The following TANC2 variants were observed in gnomAD, a reference collection of about 807,000 sequenced individuals.
TANC2 encodes the protein protein TANC2.
TANC2 carries 26 observed loss-of-function variants against 210.5 expected under a neutral mutation model. That is an observed-to-expected ratio of 0.12 (90% CI 0.09 to 0.17). The LOEUF (loss-of-function observed/expected upper bound fraction) is 0.17, where lower values mean the gene tolerates loss of function less well. TANC2 is among the 10% of genes least tolerant of loss of function. The pLI is 1.00. For missense variants in TANC2, 2,129 were observed against 2,608.9 expected, an observed-to-expected ratio of 0.82 and a Z score of 4.01; for synonymous variants, 931 against 967.1, an observed-to-expected ratio of 0.96 and a Z score of 0.69.
chr17:63,103,894 A>C (rs1289009322), intron 4 of TANC2, among the ~76,000 whole-genome samples: 2 of 152,244 alleles, frequency 1.3e-5, no homozygotes, highest in African/African-American at 4.8e-5. Flanking sequence ...AGATGAGCAA[A>C]TTAAGTTCAT....
intron 2 of TANC2, among the ~76,000 whole-genome samples, chr17:63,025,857 T>TAAAATA (rs1555757323): frequency 6.7e-6 from 1 of 148,858 alleles, no homozygotes; most frequent in Non-Finnish European, 1.5e-5. Context: ...TAAAATAAAA[T>TAAAATA]AAAAAATAAA....
chr17:63,198,871 A>G (rs1293065563), intron 6 of TANC2, among the ~76,000 whole-genome samples: 1 of 152,174 alleles, frequency 6.6e-6, no homozygotes, highest in Admixed American at 6.5e-5. Context: ...TCTTCTCTGG[A>G]GAGATAACAT....
At chr17:63,025,405 G>A (rs2034508389) in intron 2 of TANC2, among the ~76,000 whole-genome samples, 1 of 152,126 alleles carries the variant, frequency 6.6e-6, no homozygotes, top group African/African-American at 2.4e-5. Flanking sequence ...TTGGAGATGG[G>A]TAAGTAGGGA....
Position 63,164,671 on chromosome 17 carries a change from G to C in TANC2, c.433+13291G>C, listed in dbSNP as rs548149872. Among the ~76,000 whole-genome samples the C allele has an allele frequency of 1.2e-4, 19 of 152,240 alleles. No homozygotes were observed. In the South Asian group the frequency reaches 2.1e-3, roughly 17 times the overall value. ...TATAGTAATCCAGTCCAAAACCAAA[G>C]GCTTGAGAACCATGGTGTAAGTCTC... On this transcript the variant is annotated intron_variant, in intron 5 of 27. Transcript: ENST00000689528.
chr17:63,306,104 G>A (rs2044895275), intron 9 of TANC2, among the ~76,000 whole-genome samples: 1 of 152,228 alleles, frequency 6.6e-6, no homozygotes, highest in Non-Finnish European at 1.5e-5. Flanking sequence ...CCAAAACGGA[G>A]TGACTGAGGC....
chr17:63,257,235 C>G lies in TANC2; in HGVS notation c.1034-10513C>G, dbSNP rs544833827. 1.0e-3 allele frequency among the ~76,000 whole-genome samples: 154 copies of G among 151,908 alleles called. 2 individuals are homozygous for G. Among genetic ancestry groups the G allele is most frequent in the Non-Finnish European group, 1.8e-3 (120 of 67,958 alleles). ...GTGTTCTTCTTTATTTCCTTCCTGC[C>G]CTCCTTGTTGTGAACGTGATTTTTT... is the stretch of plus-strand genomic sequence containing the variant. On this transcript the variant is annotated intron_variant, in intron 8 of 27. Coordinates refer to ENST00000689528, the Ensembl canonical transcript of TANC2.
intron 9 of TANC2, among the ~76,000 whole-genome samples, chr17:63,290,056 G>T (rs1425735741): frequency 6.6e-6 from 1 of 152,156 alleles, no homozygotes; most frequent in Non-Finnish European, 1.5e-5. Flanking sequence ...AGCAGGTTGG[G>T]CTCTGGTGAA....
At chr17:63,167,642 A>G (rs1454077099) in intron 5 of TANC2, among the ~76,000 whole-genome samples, 1 of 152,104 alleles carries the variant, frequency 6.6e-6, no homozygotes, top group African/African-American at 2.4e-5. Context: ...ATAAATAAAT[A>G]AAACATTTAG....
chr17:63,325,431 T>A (rs1224967069), intron 11 of TANC2, among the ~76,000 whole-genome samples: 2 of 152,210 alleles, frequency 1.3e-5, no homozygotes, highest in Non-Finnish European at 2.9e-5. Flanking sequence ...ATGTCTCAGC[T>A]TAAATATTGC....
At chr17:63,262,075 C>T (rs1224096037) in intron 8 of TANC2, among the ~76,000 whole-genome samples, 3 of 151,838 alleles carry the variant, frequency 2.0e-5, no homozygotes, top group East Asian at 1.9e-4. Flanking sequence ...GGAAAGGAGG[C>T]GAGAAAAAGA....
intron 9 of TANC2, among the ~76,000 whole-genome samples, chr17:63,289,000 A>C (rs2146403869): frequency 6.6e-6 from 1 of 152,244 alleles, no homozygotes; most frequent in Admixed American, 6.5e-5. Flanking sequence ...TCAACATTTT[A>C]AGTATCTTAC....
chr17:62,986,812 C>T (rs1216058091), intron 1 of TANC2, among the ~76,000 whole-genome samples: 3 of 151,922 alleles, frequency 2.0e-5, no homozygotes, highest in Non-Finnish European at 4.4e-5. Context: ...ATTGCTTGGC[C>T]GGCCTGGGGT....
rs200143186 is a variant in TANC2, at chr17:63,163,269, C to CAA, written c.433+11890_433+11891insAA. ...GACAGTTTGTAGTCATTAGTAATGA[C>CAA]AGTGTTAAGAATATAACTATGGGAG... On this transcript the variant is annotated intron_variant, in intron 5 of 27. Transcript: ENST00000689528. Among the ~76,000 whole-genome samples the CAA allele has an allele frequency of 2.0e-4, 31 of 152,144 alleles. No individual in the cohort carries two copies. The East Asian group carries it at 6.0e-3, about 29-fold the overall frequency.
intron 1 of TANC2, among the ~76,000 whole-genome samples, chr17:62,981,083 T>A (rs919745996): frequency 3.3e-5 from 5 of 152,206 alleles, no homozygotes; most frequent in Admixed American, 6.5e-5. Context: ...TCTTGGCTAG[T>A]ACTTAATGAC....
In TANC2 at chr17:63,411,991, G is replaced by T. The variant is rs773797484; in HGVS notation, c.3766-7G>T. 9 of 1,613,832 alleles carry T rather than the reference G, an allele frequency of 5.6e-6. No individual in the cohort carries two copies. Among genetic ancestry groups the T allele is most frequent in the Non-Finnish European group, 5.9e-6 (7 of 1,179,834 alleles). On this transcript the variant is annotated splice_polypyrimidine_tract_variant and splice_region_variant and intron_variant, in intron 22 of 27. Coordinates refer to ENST00000689528, the Ensembl canonical transcript of TANC2. The stretch of plus-strand genomic sequence containing the variant: ...GTCCTAACTTCTCTGCTTGATCCGT[G>T]TCCTAGGTCCAGTTCCTGGTAGATC...
At chr17:63,027,808 AC>A (rs1400509044) in intron 2 of TANC2, among the ~76,000 whole-genome samples, 2 of 152,152 alleles carry the variant, frequency 1.3e-5, no homozygotes, top group Admixed American at 1.3e-4. Context: ...TCTCTAGAAT[AC>A]ATTTCTATAA....
chr17:63,153,382 T>G (rs1053881533), intron 5 of TANC2: 3 of 152,168 alleles, frequency 2.0e-5, no homozygotes. Flanking sequence ...GCCTGCTTTA[T>G]TCATTATCAC....
At chr17:63,384,010 T>C (rs977653631) in intron 15 of TANC2, among the ~76,000 whole-genome samples, 1 of 152,194 alleles carries the variant, frequency 6.6e-6, no homozygotes, top group Non-Finnish European at 1.5e-5. Flanking sequence ...AAAAACAGAC[T>C]GAGTTCAAAC....
chr17:63,044,883 C>G (rs1211427162), intron 2 of TANC2, among the ~76,000 whole-genome samples: 1 of 151,854 alleles, frequency 6.6e-6, no homozygotes, highest in Non-Finnish European at 1.5e-5. Context: ...TGTTAATAAC[C>G]TCTTTATATC....
Sources: allele counts gnomAD v4.1 joint callset (sites outside exome capture counted in the v4.1 genomes callset), GRCh38; gene constraint gnomAD v4.1.1; transcripts MANE v1.5; gene names NCBI Gene and HGNC (gene_info 2026-07-23, HGNC 2026-07-21).